Variants in MAP3K7 observed in about 807,000 individuals in gnomAD.
MAP3K7 encodes mitogen-activated protein kinase kinase kinase 7, also known as TGF-beta activated kinase 1.
Under a neutral mutation model 84.8 loss-of-function variants are expected in MAP3K7, and 21 were observed. The ratio of observed to expected loss-of-function variants is 0.25; its 90% confidence interval spans 0.18 to 0.36. The LOEUF is 0.36. Among genes scored for constraint, MAP3K7 ranks in the 10% least tolerant of loss-of-function variants. The pLI is 1.00. For synonymous variants in MAP3K7, 241 were observed against 247.7 expected, an observed-to-expected ratio of 0.97 and a Z score of 0.25; for missense variants, 503 against 747.7, an observed-to-expected ratio of 0.67 and a Z score of 3.82.
intron 2 of MAP3K7, among the ~76,000 whole-genome samples, chr6:90,569,258 T>C (rs183003964): frequency 6.6e-6 from 1 of 151,234 alleles, no homozygotes; most frequent in African/African-American, 2.4e-5. Context: ...TCCCTCTGTA[T>C]ACTTGCCTCC....
intron 12 of MAP3K7, chr6:90,542,251 T>G: frequency 1.0e-6 from 1 of 984,322 alleles, no homozygotes; most frequent in Non-Finnish European, 1.2e-6. Flanking sequence ...AAACATTACC[T>G]ATGAGCACAT....
chr6:90,523,585 C>T (rs1775223513), intron 14 of MAP3K7, 93 bp downstream of exon 14: 2 of 758,544 alleles, frequency 2.6e-6, no homozygotes, highest in Non-Finnish European at 4.6e-6. Context: ...CAGTATAATG[C>T]CTGCCTTTGT....
intron 11 of MAP3K7, among the ~76,000 whole-genome samples, chr6:90,545,916 T>C (rs992937215): frequency 6.6e-6 from 1 of 152,112 alleles, no homozygotes; most frequent in African/African-American, 2.4e-5. Context: ...TGGATGTCTA[T>C]TTGCCCTGCC....
At chr6:90,573,748 A>G (rs899302022) in intron 1 of MAP3K7, among the ~76,000 whole-genome samples, 1 of 152,264 alleles carries the variant, frequency 6.6e-6, no homozygotes, top group African/African-American at 2.4e-5. Flanking sequence ...AATGATGAAC[A>G]TACTCTATAT....
chr6:90,586,288 C>G lies in MAP3K7; in HGVS notation c.120+476G>C, dbSNP rs573547715. Among the ~76,000 whole-genome samples, 7 of 145,728 alleles carry G rather than the reference C, an allele frequency of 4.8e-5. No homozygotes were observed. The South Asian group carries it at 1.5e-3, about 32-fold the overall frequency. On this transcript the variant is annotated intron_variant, in intron 1 of 16. Coordinates refer to ENST00000369329, the MANE Select transcript of MAP3K7 (RefSeq NM_145331.3). ...TCGGGAGGCTGAGGCAGGAGAATGG[C>G]GTGAACCCGGGAAGCGGAGCTTGCA...
At chr6:90,544,664 A>C (rs753527745) in intron 11 of MAP3K7, 32 bp from the exon 12 acceptor site, 7 of 1,504,328 alleles carry the variant, frequency 4.7e-6, no homozygotes, top group African/African-American at 2.8e-5. Flanking sequence ...GTATACATGC[A>C]AACAACCACA....
chr6:90,587,026 C>G lies in MAP3K7; in HGVS notation c.-143G>C, dbSNP rs1046245068. Reference sequence around the variant, plus strand: ...CGGCGATCCGTGGCGGGGGTAGAGGCAGCGGCCACAGCCGTGTCCGGCTCT... The same window carrying G: ...CGGCGATCCGTGGCGGGGGTAGAGGGAGCGGCCACAGCCGTGTCCGGCTCT... On this transcript the variant is annotated 5_prime_UTR_variant, in exon 1 of 17. Transcript: ENST00000369329. The G allele has an allele frequency of 1.0e-6, 1 of 982,748 alleles. No individual in the cohort carries two copies. The highest frequency in any genetic ancestry group is 1.4e-6 in the Non-Finnish European group (1 of 719,566). The allele number at this position is 982,748 out of a possible 1,614,324, so 60.9% of individuals were successfully genotyped here. A position where few individuals can be genotyped will look rare whatever the true frequency, so the allele number is the denominator to read the frequency against.
intron 5 of MAP3K7, among the ~76,000 whole-genome samples, chr6:90,557,042 A>G (rs1435554321): frequency 1.3e-5 from 2 of 152,220 alleles, no homozygotes; most frequent in Non-Finnish European, 2.9e-5. Flanking sequence ...ATAATCCAAT[A>G]TAGAAGGAAA....
chr6:90,520,323 G>A (rs1008030695), intron 14 of MAP3K7, among the ~76,000 whole-genome samples: 1 of 151,972 alleles, frequency 6.6e-6, no homozygotes, highest in African/African-American at 2.4e-5. Flanking sequence ...AACTCAAGAA[G>A]GGTTGCTGGC....
intron 1 of MAP3K7, among the ~76,000 whole-genome samples, chr6:90,572,670 A>G (rs1283934150): frequency 6.6e-6 from 1 of 152,042 alleles, no homozygotes; most frequent in Non-Finnish European, 1.5e-5. Flanking sequence ...GAATTTTATG[A>G]TGTGTAAAAT....
chr6:90,518,187 TATAATA>T (rs934515415), intron 16 of MAP3K7, among the ~76,000 whole-genome samples: 1 of 151,740 alleles, frequency 6.6e-6, no homozygotes, highest in Non-Finnish European at 1.5e-5. Flanking sequence ...AATAAATCTT[TATAATA>T]ATAAGTCTAA....
Position 90,552,164 on chromosome 6 carries a change from A to T in MAP3K7, c.752T>A (p.Leu251Gln). Residue 251 changes from leucine to glutamine, a missense_variant, in exon 8 of 17, where the codon CTG (leucine) becomes CAG (glutamine). Around this residue, in one of 5 missense-constraint regions of MAP3K7, gnomAD observed 286 missense variants for 313.6 expected, o/e 0.91. Coordinates refer to ENST00000369329, the MANE Select transcript of MAP3K7 (RefSeq NM_145331.3). ...WAVHNGTRPP[L>Q]IKNLPKPIES... ...AATGGGCTTAGGTAAATTTTTTATC[A>T]GTGGTGGTCGAGTACCTACAATTGA... 1.2e-6 allele frequency: 2 copies of T among 1,610,432 alleles called. No individual in the cohort carries two copies. Among genetic ancestry groups the T allele is most frequent in the Non-Finnish European group, 1.7e-6 (2 of 1,177,118 alleles).
At chr6:90,570,390 G>A (rs1143794) in intron 2 of MAP3K7, among the ~76,000 whole-genome samples, 31,833 of 152,096 alleles carry the variant, frequency 0.21, 3,992 homozygotes, top group Non-Finnish European at 0.29. Flanking sequence ...CTATGCAAAT[G>A]AGCTAATCAA....
At chr6:90,566,780 G>A (rs2127982371) in intron 3 of MAP3K7, among the ~76,000 whole-genome samples, 1 of 152,254 alleles carries the variant, frequency 6.6e-6, no homozygotes, top group East Asian at 1.9e-4. Context: ...AAAGAACAAA[G>A]CTGGAGGCAT....
chr6:90,571,721 A>G lies in MAP3K7; in HGVS notation c.207T>C (p.Ser69=). ...DVAIKQIESE[S]ERKAFIVELR... ...CCTCTACAATAAACGCTTTCCTCTC[A>G]GATTCACTTTCTATTTGTTTAATAG... Residue 69 remains serine (S), a synonymous_variant, in exon 2 of 17, where the codon TCT becomes TCC. Transcript: ENST00000369329. 1.3e-6 allele frequency: 2 copies of G among 1,597,350 alleles called. No homozygotes were observed. The highest frequency in any genetic ancestry group is 1.7e-6 in the Non-Finnish European group (2 of 1,172,040).
In MAP3K7 at chr6:90,548,165, T is replaced by C. The variant is rs754318578; in HGVS notation, c.962A>G (p.Asp321Gly). The C allele has an allele frequency of 1.9e-6, 3 of 1,609,674 alleles. No individual in the cohort carries two copies. The highest frequency in any genetic ancestry group is 2.2e-5 in the South Asian group (2 of 90,112). Residue 321 changes from aspartate (D) to glycine (G), a missense_variant, in exon 10 of 17, where the codon GAC becomes GGC. By Grantham distance (94) the Asp-to-Gly change is moderately conservative (BLOSUM62 -1). Transcript: ENST00000369329. ...GTTACTCGTATTTGTAGAAGCAATG[T>C]CCATGAATGAGCCTAGGAAAAGCAG... The part of the protein sequence containing the change: ...NSATSTGSFM[D>G]IASTNTSNKS...
At chr6:90,582,814 T>C (rs1777318957) in intron 1 of MAP3K7, among the ~76,000 whole-genome samples, 1 of 152,196 alleles carries the variant, frequency 6.6e-6, no homozygotes, top group South Asian at 2.1e-4. Context: ...GTTCTGTGTT[T>C]ACTCCAGTCT....
chr6:90,549,039 T>A (rs1262133977), intron 9 of MAP3K7, among the ~76,000 whole-genome samples: 1 of 152,116 alleles, frequency 6.6e-6, no homozygotes, highest in Non-Finnish European at 1.5e-5. Flanking sequence ...AGACTACGTA[T>A]GTTTTAGGAA....
chr6:90,528,856 T>C (rs1054193441), intron 13 of MAP3K7, among the ~76,000 whole-genome samples: 2 of 152,218 alleles, frequency 1.3e-5, no homozygotes, highest in Admixed American at 6.5e-5. Flanking sequence ...ATGACTTTCA[T>C]TTTGGGTACC....
Sources: allele counts gnomAD v4.1 joint callset (sites outside exome capture counted in the v4.1 genomes callset), GRCh38; gene constraint gnomAD v4.1.1; regional missense constraint gnomAD v4.1.1; transcripts MANE v1.5; gene names NCBI Gene and HGNC (gene_info 2026-07-23, HGNC 2026-07-21).